The following NUGGC variants were observed in gnomAD, a reference collection of about 807,000 sequenced individuals.
The protein encoded by NUGGC is nuclear GTPase SLIP-GC.
NUGGC carries 58 observed loss-of-function variants against 92.6 expected under a neutral mutation model. That is an observed-to-expected ratio of 0.63 (90% confidence interval 0.51 to 0.78). NUGGC has a LOEUF of 0.78. Ranked by LOEUF, NUGGC falls within the 30% of genes least tolerant of loss-of-function variation. The probability of loss-of-function intolerance (pLI) is 0.00; values close to 1 mark genes in which losing one functional copy is unlikely to be tolerated. For synonymous variants in NUGGC, 376 were observed against 366.4 expected (o/e 1.03, Z -0.30); for missense variants, 925 against 964.6 (o/e 0.96, Z 0.54).
At chr8:28,028,226 TG>T (rs1254131840) in intron 17 of NUGGC, among the ~76,000 whole-genome samples, 1 of 152,192 alleles carries the variant, frequency 6.6e-6, no homozygotes, top group Non-Finnish European at 1.5e-5. Context: ...ATGTACACAA[TG>T]GGGAAATGGG....
rs547657900 is a variant in NUGGC, at chr8:28,080,121, T to C, written c.-47+3654A>G. 7.2e-5 allele frequency among the ~76,000 whole-genome samples: 11 copies of C among 152,192 alleles called. No homozygotes were observed. In the East Asian group the frequency reaches 1.9e-3, roughly 27 times the overall value. ...CATGCCCGGCTAATTTTTGTATCTC[T>C]AGTAGAGACAAGGTTTCACTATGTT... On this transcript the variant is annotated intron_variant, in intron 1 of 18. Transcript: ENST00000413272.
Position 28,033,602 on chromosome 8 carries a change from T to C in NUGGC, c.1707A>G (p.Leu569=), listed in dbSNP as rs1809478862. Residue 569 remains leucine, a synonymous_variant, in exon 14 of 19, where the codon CTA becomes CTG. Transcript: ENST00000413272. ...YASRTLARID[L]NEALTQPVYD... ...AGACGGGCTGAGTGAGGGCTTCATT[T>C]AGATCAATTCTCGCCAGAGTCCTGG... 1 of 1,614,014 alleles carries C rather than the reference T, an allele frequency of 6.2e-7. No homozygotes were observed. The highest frequency in any genetic ancestry group is 8.5e-7 in the Non-Finnish European group (1 of 1,179,878).
At chr8:28,034,865 C>T (rs181782083) in intron 13 of NUGGC, among the ~76,000 whole-genome samples, 1 of 152,238 alleles carries the variant, frequency 6.6e-6, no homozygotes, top group East Asian at 1.9e-4. Flanking sequence ...AATATAGTAT[C>T]ATATGGATGA....
chr8:28,045,440 A>C lies in NUGGC; in HGVS notation c.1446+87T>G, dbSNP rs1242269585. The C allele has an allele frequency of 4.6e-6, 6 of 1,318,180 alleles. No individual in the cohort carries two copies. The East Asian group carries it at 1.5e-4, about 33-fold the overall frequency. 81.7% of individuals were successfully genotyped at this position (1,318,180 alleles called of 1,614,324 possible). Reference sequence around the variant, plus strand: ...ATCTTCCTTTAATATGAAAAGAAAAAATATCATAAGTTAATTTTCTAACTT... The same window carrying C: ...ATCTTCCTTTAATATGAAAAGAAAACATATCATAAGTTAATTTTCTAACTT... On this transcript the variant is annotated intron_variant, in intron 12 of 18. Coordinates refer to ENST00000413272, the MANE Select transcript of NUGGC (RefSeq NM_001010906.2).
At chr8:28,032,544 C>A (rs1809447006) in intron 14 of NUGGC, among the ~76,000 whole-genome samples, 1 of 151,744 alleles carries the variant, frequency 6.6e-6, no homozygotes, top group Non-Finnish European at 1.5e-5. Flanking sequence ...GGTGAAACCC[C>A]ATCTCTACTA....
chr8:28,048,734 G>A (rs895801126), intron 10 of NUGGC, among the ~76,000 whole-genome samples: 5 of 151,880 alleles, frequency 3.3e-5, no homozygotes, highest in Admixed American at 1.3e-4. Flanking sequence ...ATGGTGGTGC[G>A]CACTTGTAGT....
chr8:28,046,567 A>C (rs1411622531), intron 11 of NUGGC, among the ~76,000 whole-genome samples: 4 of 152,228 alleles, frequency 2.6e-5, no homozygotes, highest in Non-Finnish European at 4.4e-5. Context: ...CTGTGAAGAA[A>C]GAGCCATGCC....
At chr8:28,057,115 ATCCTGGAGGGGCT>A (rs1810162249) in intron 9 of NUGGC, among the ~76,000 whole-genome samples, 1 of 152,192 alleles carries the variant, frequency 6.6e-6, no homozygotes, top group African/African-American at 2.4e-5. Flanking sequence ...AAGTCCAGTG[ATCCTGGAGGGGCT>A]CCCAAGTAGC....
intron 2 of NUGGC, among the ~76,000 whole-genome samples, chr8:28,073,005 ATTTT>A (rs5890399): frequency 7.1e-6 from 1 of 140,812 alleles, no homozygotes. Context: ...GACTGTTGAA[ATTTT>A]TTTTTTTTTT....
At chr8:28,054,457 G>T (rs1015571859) in intron 10 of NUGGC, among the ~76,000 whole-genome samples, 1 of 151,952 alleles carries the variant, frequency 6.6e-6, no homozygotes, top group Non-Finnish European at 1.5e-5. Flanking sequence ...ACTCCAGCCT[G>T]GGCAACGGAG....
intron 12 of NUGGC, among the ~76,000 whole-genome samples, chr8:28,043,831 A>C (rs1193851989): frequency 6.6e-6 from 1 of 152,222 alleles, no homozygotes; most frequent in Non-Finnish European, 1.5e-5. Flanking sequence ...TTCACCCTGA[A>C]GAACTGTTTT....
At chr8:28,039,038 C>A (rs937791772) in intron 13 of NUGGC, among the ~76,000 whole-genome samples, 1 of 152,168 alleles carries the variant, frequency 6.6e-6, no homozygotes, top group African/African-American at 2.4e-5. Flanking sequence ...GCTACCCACG[C>A]CCAACCGCAT....
At chr8:28,058,205 A>C (rs1252650687) in intron 9 of NUGGC, 53 bp downstream of exon 9, 2 of 325,394 alleles carry the variant, frequency 6.1e-6, no homozygotes, top group East Asian at 9.5e-5. Flanking sequence ...AAAATAAAAA[A>C]TAAATAGATA....
At chr8:28,026,480 C>T (rs976380234) in intron 18 of NUGGC, among the ~76,000 whole-genome samples, 73 of 152,284 alleles carry the variant, frequency 4.8e-4, no homozygotes, top group African/African-American at 1.7e-3. Context: ...AGCCTTTCTC[C>T]ACCATCACCA....
intron 10 of NUGGC, among the ~76,000 whole-genome samples, chr8:28,051,768 C>T (rs564707884): frequency 9.9e-4 from 151 of 152,120 alleles, no homozygotes; most frequent in Non-Finnish European, 1.8e-3. Context: ...ACTAAAAGTA[C>T]AAAATTAGCT....
At chr8:28,047,712 T>G in intron 10 of NUGGC, 100 bp from the exon 11 acceptor site, 1 of 663,386 alleles carries the variant, frequency 1.5e-6, no homozygotes, top group Non-Finnish European at 2.6e-6. Context: ...TTCAGCTCAC[T>G]CATTTTCAGT....
chr8:28,024,746 A>G (rs924093207), intron 18 of NUGGC, among the ~76,000 whole-genome samples: 4 of 152,090 alleles, frequency 2.6e-5, no homozygotes, highest in Non-Finnish European at 5.9e-5. Context: ...GTTCTGTCCC[A>G]TATCTGGAAG....
At position 28,067,690 on chromosome 8, in the gene NUGGC, G is replaced by C; in HGVS notation, c.535C>G (p.Leu179Val). 1.2e-6 allele frequency: 2 copies of C among 1,613,922 alleles called. No individual in the cohort carries two copies. Among genetic ancestry groups the C allele is most frequent in the Non-Finnish European group, 1.7e-6 (2 of 1,179,836 alleles). Residue 179 changes from leucine to valine, a missense_variant, in exon 6 of 19, where the codon CTG becomes GTG. Coordinates refer to ENST00000413272, the MANE Select transcript of NUGGC (RefSeq NM_001010906.2). ...CACGCATCTGCCTCTTCTCTGCTCAGCTCCTCCGTCCTATGCAGGAGTTTG... is the reference window on the plus strand; with the variant it reads ...CACGCATCTGCCTCTTCTCTGCTCACCTCCTCCGTCCTATGCAGGAGTTTG... Reference protein sequence around the residue: ...LTKLLHRTEELSREEADAWNR... With the variant: ...LTKLLHRTEEVSREEADAWNR...
rs1809686963 is a variant in NUGGC, at chr8:28,041,125, T to C, written c.1537A>G (p.Met513Val). The C allele has an allele frequency of 6.2e-7, 1 of 1,609,428 alleles. No individual in the cohort carries two copies. The change falls in exon 13 of 19, where the codon ATG becomes GTG. Residue 513 changes from methionine (M) to valine (V), a missense_variant. By Grantham distance (21) the Met-to-Val change is conservative (BLOSUM62 1). Transcript: ENST00000413272. ...ACCCCTTCTTGCAGAGGCTGCTCCATGCAGGCGAAGCACTGTGCGATGGCC... is the reference window on the plus strand; with the variant it reads ...ACCCCTTCTTGCAGAGGCTGCTCCACGCAGGCGAAGCACTGTGCGATGGCC... ...EKAIAQCFAC[M>V]EQPLQEGVRT...
Sources: gnomAD v4.1 joint callset for allele counts (sites outside exome capture counted in the v4.1 genomes callset) on GRCh38, gnomAD v4.1.1 for gene constraint, MANE v1.5 for transcripts, NCBI Gene and HGNC (gene_info 2026-07-23, HGNC 2026-07-21) for gene names.